COPE: variants seen among roughly 807,000 people sequenced by gnomAD.
COPE encodes the protein coatomer subunit epsilon.
COPE carries 19 observed loss-of-function variants against 42.1 expected under a neutral mutation model. The observed-to-expected ratio is 0.45, with a 90% CI of 0.31 to 0.66. COPE has a LOEUF of 0.66. COPE is among the 30% of genes least tolerant of loss of function. The pLI is 0.05. For missense variants in COPE, 402 were observed against 416.1 expected (o/e 0.97, Z 0.30); for synonymous variants, 195 against 181.3 (o/e 1.08, Z -0.60).
chr19:18,907,218 C>A, intron 3 of COPE, 106 bp from the exon 4 acceptor site: 1 of 1,257,068 alleles, frequency 8.0e-7, no homozygotes, highest in South Asian at 1.5e-5. Flanking sequence ...TGAGCCAGGC[C>A]CTGGGGGTGC....
At chr19:18,901,338 T>C (rs934578525) in intron 7 of COPE, among the ~76,000 whole-genome samples, 3 of 152,302 alleles carry the variant, frequency 2.0e-5, no homozygotes, top group African/African-American at 7.2e-5. Flanking sequence ...TGCATCCAAG[T>C]GTTCTCAGGT....
intron 1 of COPE, among the ~76,000 whole-genome samples, chr19:18,913,721 C>T (rs1240827059): frequency 2.0e-5 from 3 of 152,168 alleles, no homozygotes; most frequent in Non-Finnish European, 4.4e-5. Flanking sequence ...TGAGGGTGCT[C>T]GCCCAGGCCC....
intron 8 of COPE, 51 bp downstream of exon 8, chr19:18,900,330 G>A: frequency 6.9e-7 from 1 of 1,453,712 alleles, no homozygotes; most frequent in Non-Finnish European, 9.3e-7. Flanking sequence ...CCAGGCTGGG[G>A]TCCCAGGGTC....
At chr19:18,916,730 G>A (rs1329478687) in intron 1 of COPE, among the ~76,000 whole-genome samples, 3 of 151,616 alleles carry the variant, frequency 2.0e-5, no homozygotes, top group Admixed American at 1.3e-4. Context: ...AGAGGTTGTG[G>A]TGAGCTGAGA....
intron 1 of COPE, among the ~76,000 whole-genome samples, chr19:18,916,638 A>T (rs1320094518): frequency 1.3e-5 from 2 of 150,902 alleles, no homozygotes; most frequent in African/African-American, 4.9e-5. Context: ...AAATACAAAA[A>T]TTAGCTGGGT....
chr19:18,918,531 G>C (rs1007357843), intron 1 of COPE, among the ~76,000 whole-genome samples: 4 of 151,994 alleles, frequency 2.6e-5, no homozygotes, highest in Admixed American at 2.0e-4. Flanking sequence ...CTCGGCCTCC[G>C]GGTTGAAGCG....
At position 18,907,056 on chromosome 19, in the gene COPE, T is replaced by G. The variant is rs1474152981; in HGVS notation, c.347A>C (p.Asn116Thr). 1.3e-5 allele frequency: 21 copies of G among 1,608,868 alleles called. No homozygotes were observed. Among genetic ancestry groups the G allele is most frequent in the Non-Finnish European group, 1.7e-5 (20 of 1,178,202 alleles). Residue 116 changes from asparagine to threonine, a missense_variant, in exon 4 of 10, where the codon AAC (asparagine) becomes ACC (threonine). Transcript: ENST00000262812. Reference sequence around the variant, plus strand: ...GGCGGCCATGAGCAGGAAGGTGGTGTTGGTCACGTCCACGCTCCTGCTCAT... The same window carrying G: ...GGCGGCCATGAGCAGGAAGGTGGTGGTGGTCACGTCCACGCTCCTGCTCAT... The part of the protein sequence containing the change: ...REMSRSVDVT[N>T]TTFLLMAASI...
chr19:18,901,242 G>A (rs983210374), intron 7 of COPE, among the ~76,000 whole-genome samples: 5 of 152,260 alleles, frequency 3.3e-5, no homozygotes, highest in African/African-American at 9.6e-5. Context: ...AAGGACAGAA[G>A]GGAGTCATCT....
Position 18,914,605 on chromosome 19 carries a change from C to A in COPE, c.127-1559G>T, listed in dbSNP as rs190736601. On this transcript the variant is annotated intron_variant, in intron 1 of 9. Coordinates refer to ENST00000262812, the MANE Select transcript of COPE (RefSeq NM_007263.4). ...GGTGGACTTCAGTTAGGTGACTAGC[C>A]CAGGGCCACATGCCACCCTCAGTTA... is the stretch of plus-strand genomic sequence containing the variant. 3.9e-3 allele frequency among the ~76,000 whole-genome samples: 590 copies of A among 151,614 alleles called. 5 individuals are homozygous for A. The highest frequency in any genetic ancestry group is 0.024 in the Middle Eastern group (7 of 292).
chr19:18,911,400 G>C (rs1323412274), intron 2 of COPE: 3 of 334,420 alleles, frequency 9.0e-6, no homozygotes, highest in Admixed American at 7.7e-5. Context: ...AGCAGTTATG[G>C]GGGTTGTGAC....
rs1159502282 is a variant in COPE at position 18,919,261 on chromosome 19, T to C, written c.88A>G (p.Ser30Gly). The C allele has an allele frequency of 1.2e-6, 2 of 1,613,794 alleles. No individual in the cohort carries two copies. The highest frequency in any genetic ancestry group is 1.1e-5 in the South Asian group (1 of 91,086). Reference protein sequence around the residue: ...FDVKNAFYIGSYQQCINEAQR... With the variant: ...FDVKNAFYIGGYQQCINEAQR... ...GCCTCGTTTATGCACTGCTGGTAGC[T>C]GCCGATGTAGAAGGCGTTCTTTACG... Residue 30 changes from serine (S) to glycine (G), a missense_variant, in exon 1 of 10, where the codon AGC becomes GGC. Ser to Gly is a moderately conservative substitution (Grantham distance 56). Coordinates refer to ENST00000262812, the MANE Select transcript of COPE (RefSeq NM_007263.4).
rs537373434 is a variant in COPE at position 18,900,264 on chromosome 19, G to A, written c.804+117C>T. 4.2e-5 allele frequency: 35 copies of A among 842,956 alleles called. No individual in the cohort carries two copies. In the South Asian group the frequency reaches 4.8e-4, roughly 12 times the overall value. 52.2% of individuals were successfully genotyped at this position (842,956 alleles called of 1,614,324 possible). A position where few individuals can be genotyped will look rare whatever the true frequency, so the allele number is the denominator to read the frequency against. On this transcript the variant is annotated intron_variant, in intron 8 of 9. Coordinates refer to ENST00000262812, the MANE Select transcript of COPE (RefSeq NM_007263.4). Reference sequence around the variant, plus strand: ...AGGGTTTGTGAGGGAGGTGGGCTGCGGTAGGCATACTGTATACAGAGTTTT... The same window carrying A: ...AGGGTTTGTGAGGGAGGTGGGCTGCAGTAGGCATACTGTATACAGAGTTTT...
intron 2 of COPE, among the ~76,000 whole-genome samples, chr19:18,911,582 C>T (rs909896318): frequency 1.3e-5 from 2 of 151,650 alleles, no homozygotes; most frequent in Middle Eastern, 3.4e-3. Context: ...GACGGAGTCT[C>T]GCTCTGTCGC....
rs966075735 is a variant in COPE at position 18,900,480 on chromosome 19, GGTCAGCCACTCCAGCCCCCATGCCTGCCC to G, written c.736-60_736-32del. The G allele has an allele frequency of 2.0e-6, 3 of 1,526,448 alleles. No individual in the cohort carries two copies. The African/African-American group carries it at 4.1e-5, about 21-fold the overall frequency. 94.6% of individuals were successfully genotyped at this position (1,526,448 alleles called of 1,614,324 possible). ...GACACAGGCAGACACGGGGAGGCAG[GGTCAGCCACTCCAGCCCCCATGCCTGCCC>G]GTCACCCCCACCTCAGGCAGCACCA... On this transcript the variant is annotated intron_variant, in intron 7 of 9. Transcript: ENST00000262812.
At chr19:18,911,137 G>A (rs1403276291) in intron 2 of COPE, 66 bp from the exon 3 acceptor site, 2 of 1,448,742 alleles carry the variant, frequency 1.4e-6, no homozygotes, top group East Asian at 4.6e-5. Flanking sequence ...CTTCAGCTTG[G>A]CAGGGAGAGC....
chr19:18,902,797 G>GAAAGGAAGGAAAGGAAGGA (rs1366501283), intron 7 of COPE, among the ~76,000 whole-genome samples: 1 of 29,106 alleles, frequency 3.4e-5, no homozygotes, highest in Non-Finnish European at 6.7e-5. Flanking sequence ...AGGAAGGAAG[G>GAAAGGAAGGAAAGGAAGGA]AAGGAAGGAA....
intron 2 of COPE, among the ~76,000 whole-genome samples, chr19:18,911,572 G>T: frequency 6.7e-6 from 1 of 150,154 alleles, no homozygotes. Context: ...TTTTTTTCGA[G>T]ACGGAGTCTC....
chr19:18,904,304 C>G, intron 6 of COPE, among the ~76,000 whole-genome samples: 1 of 152,240 alleles, frequency 6.6e-6, no homozygotes, highest in East Asian at 1.9e-4. Flanking sequence ...AAGAGTGGCT[C>G]AGAAGGGGGC....
intron 4 of COPE, 47 bp downstream of exon 4, chr19:18,906,913 G>A: frequency 6.6e-7 from 1 of 1,522,388 alleles, no homozygotes; most frequent in African/African-American, 1.4e-5. Flanking sequence ...ATGTGGCAGG[G>A]GGCACTTGCC....
Sources: gnomAD v4.1 joint callset for allele counts (sites outside exome capture counted in the v4.1 genomes callset) on GRCh38, gnomAD v4.1.1 for gene constraint, MANE v1.5 for transcripts, NCBI Gene and HGNC (gene_info 2026-07-23, HGNC 2026-07-21) for gene names.